Variants in GSE1 observed in about 807,000 individuals in gnomAD.
GSE1 encodes Gse1 coiled-coil protein, also known as genetic suppressor element 1.
Under a neutral mutation model 112.6 loss-of-function variants are expected in GSE1, and 32 were observed. That is an observed-to-expected ratio of 0.28 (90% CI 0.21 to 0.38). GSE1 has a LOEUF of 0.38. Ranked by LOEUF, GSE1 falls within the 10% of genes least tolerant of loss-of-function variation. GSE1 has a pLI of 1.00. For missense variants in GSE1, 2,348 were observed against 1,699.2 expected (o/e 1.38, Z -6.71); for synonymous variants, 1,115 against 735.6 (o/e 1.52, Z -8.35).
chr16:85,670,466 C>G (rs2053240175), intron 14 of GSE1, among the ~76,000 whole-genome samples: 1 of 152,022 alleles, frequency 6.6e-6, no homozygotes. Flanking sequence ...GTATTAGACT[C>G]TAGTTTTATT....
chr16:85,304,221 T>C (rs2045603313), intron 1 of GSE1, among the ~76,000 whole-genome samples: 1 of 152,196 alleles, frequency 6.6e-6, no homozygotes, highest in South Asian at 2.1e-4. Flanking sequence ...GCCGGGAAAC[T>C]GAGTCCCAGG....
intron 2 of GSE1, among the ~76,000 whole-genome samples, chr16:85,476,925 C>CTTTT (rs55732128): frequency 3.4e-5 from 4 of 117,798 alleles, no homozygotes; most frequent in African/African-American, 6.6e-5. Context: ...GTATGTGGTT[C>CTTTT]TTTTTTTTTT....
At chr16:85,517,987 GC>G (rs1368559398) in intron 2 of GSE1, among the ~76,000 whole-genome samples, 1 of 152,254 alleles carries the variant, frequency 6.6e-6, no homozygotes, top group Non-Finnish European at 1.5e-5. Flanking sequence ...TTTGTCAGGG[GC>G]TCTGCCTCCC....
At chr16:85,300,088 C>G (rs1017855788) in intron 1 of GSE1, among the ~76,000 whole-genome samples, 49 of 151,984 alleles carry the variant, frequency 3.2e-4, no homozygotes, top group African/African-American at 1.1e-3. Flanking sequence ...CTCAGCTCAC[C>G]GTAACCTCTG....
At chr16:85,222,350 G>T (rs1191920952) in intron 1 of GSE1, among the ~76,000 whole-genome samples, 1 of 152,206 alleles carries the variant, frequency 6.6e-6, no homozygotes, top group Non-Finnish European at 1.5e-5. Flanking sequence ...GGCATTGGTG[G>T]AGAGGTCCCT....
intron 1 of GSE1, among the ~76,000 whole-genome samples, chr16:85,255,696 C>T (rs1907000454): frequency 6.6e-6 from 1 of 151,970 alleles, no homozygotes; most frequent in Non-Finnish European, 1.5e-5. Context: ...AGCCACCGCA[C>T]CCGGCCAGTC....
chr16:85,373,886 G>A lies in GSE1; in HGVS notation c.2464+16243G>A, dbSNP rs543899791. 3.9e-5 allele frequency among the ~76,000 whole-genome samples: 6 copies of A among 152,274 alleles called. No individual in the cohort carries two copies. Among genetic ancestry groups the A allele is most frequent in the South Asian group, 2.1e-4 (1 of 4,828 alleles). ...CAGTCTCTTTGTCTCTTTCATGAGC[G>A]GCAGCCTCCAGGCACCCGCCCGGCC... On this transcript the variant is annotated intron_variant, in intron 2 of 2. Coordinates refer to the GSE1 transcript ENST00000637419. This position sits in a 1 kb window ranked among gnomAD's most constrained non-coding sequence, Gnocchi z 5.1.
intron 1 of GSE1, among the ~76,000 whole-genome samples, chr16:85,197,873 G>A (rs1238075555): frequency 2.0e-5 from 3 of 152,174 alleles, no homozygotes; most frequent in African/African-American, 4.8e-5. Context: ...GGGTCCCCAC[G>A]GGGCTGTTGG....
chr16:85,663,388 G>C lies in GSE1; in HGVS notation c.2418G>C (p.Gln806His). 1 of 1,613,964 alleles carries C rather than the reference G, an allele frequency of 6.2e-7. No individual in the cohort carries two copies. Among genetic ancestry groups the C allele is most frequent in the South Asian group, 1.1e-5 (1 of 91,074 alleles). Reference sequence around the variant, plus strand: ...TTTTTGGCTTGACCACCCAACAGCAGAAGGAGGAATTGGTGGCCCAGAAGC... The same window carrying C: ...TTTTTGGCTTGACCACCCAACAGCACAAGGAGGAATTGGTGGCCCAGAAGC... ...LQLFGLTTQQ[Q>H]KEELVAQKRR... Residue 806 changes from glutamine (Q) to histidine (H), a missense_variant, in exon 11 of 16, where the codon CAG becomes CAC. By Grantham distance (24) the Gln-to-His change is conservative (BLOSUM62 0). Transcript: ENST00000253458.
chr16:85,450,117 CTTTTTTTTTTTTT>C (rs59854597), intron 2 of GSE1, among the ~76,000 whole-genome samples: 3 of 79,506 alleles, frequency 3.8e-5, no homozygotes, highest in Non-Finnish European at 6.6e-5. Flanking sequence ...AGGCAGCTGA[CTTTTTTTTTTTTT>C]TTTTTTTTGA....
intron 1 of GSE1, among the ~76,000 whole-genome samples, chr16:85,631,006 C>T (rs890180065): frequency 1.3e-5 from 2 of 151,424 alleles, no homozygotes; most frequent in Admixed American, 6.6e-5. Flanking sequence ...GCTGCAGTAT[C>T]CCCTGGGGGG....
At chr16:85,462,058 G>A (rs1240625738) in intron 2 of GSE1, among the ~76,000 whole-genome samples, 4 of 152,220 alleles carry the variant, frequency 2.6e-5, no homozygotes, top group African/African-American at 9.6e-5. Context: ...AGTGGGGCGC[G>A]AGGCTGAGCA....
chr16:85,634,242 C>G, intron 2 of GSE1, 110 bp downstream of exon 2: 1 of 753,340 alleles, frequency 1.3e-6, no homozygotes. Flanking sequence ...CTTTCCCACG[C>G]CGTGTGCTCT....
intron 2 of GSE1, among the ~76,000 whole-genome samples, chr16:85,445,696 G>A (rs539070534): frequency 6.6e-5 from 10 of 152,310 alleles, no homozygotes; most frequent in East Asian, 3.9e-4. Context: ...CTGGCCTCTC[G>A]GGGAGCGCGC....
At chr16:85,347,897 C>A (rs1267796993) in intron 1 of GSE1, among the ~76,000 whole-genome samples, 2 of 152,190 alleles carry the variant, frequency 1.3e-5, no homozygotes, top group Non-Finnish European at 2.9e-5. Context: ...CCAGATTTTT[C>A]AGCCCCAGCA....
intron 1 of GSE1, among the ~76,000 whole-genome samples, chr16:85,352,081 C>T (rs1485698119): frequency 6.6e-6 from 1 of 152,216 alleles, no homozygotes; most frequent in African/African-American, 2.4e-5. Flanking sequence ...AAACTTGGCA[C>T]TGACCACACG....
intron 1 of GSE1, among the ~76,000 whole-genome samples, chr16:85,616,129 CTG>C (rs1406867137): frequency 6.6e-6 from 1 of 152,262 alleles, no homozygotes. Flanking sequence ...CAGCGCCACT[CTG>C]TGGCAGACCG....
Position 85,648,592 on chromosome 16 carries a change from G to C in GSE1, c.267G>C (p.Pro89=), listed in dbSNP as rs75392774. Residue 89 remains proline (P), a synonymous_variant, in exon 3 of 16, where the codon CCG becomes CCC. Transcript: ENST00000253458. ...LSSESSPVSS[P]ATNHSSPAST... is the part of the protein sequence containing the mutation. Reference sequence around the variant, plus strand: ...GCGAGTCGTCCCCCGTGTCCTCTCCGGCCACCAACCACAGCTCCCCCGCCA... The same window carrying C: ...GCGAGTCGTCCCCCGTGTCCTCTCCCGCCACCAACCACAGCTCCCCCGCCA... The C allele has an allele frequency of 1.2e-5, 20 of 1,603,660 alleles. No homozygotes were observed. The highest frequency in any genetic ancestry group is 1.6e-5 in the Non-Finnish European group (19 of 1,175,166).
intron 2 of GSE1, among the ~76,000 whole-genome samples, chr16:85,436,784 G>A (rs1315882372): frequency 6.6e-6 from 1 of 152,210 alleles, no homozygotes; most frequent in Admixed American, 6.5e-5. Flanking sequence ...TTCCGGGCTG[G>A]GACCCCACGC....
Sources: gnomAD v4.1 joint callset for allele counts (sites outside exome capture counted in the v4.1 genomes callset) on GRCh38, gnomAD v4.1.1 for gene constraint, Gnocchi (gnomAD v3.1) non-coding constraint, MANE v1.5 for transcripts, NCBI Gene and HGNC (gene_info 2026-07-23, HGNC 2026-07-21) for gene names.